The following NADK2 variants were observed in gnomAD, a reference collection of about 807,000 sequenced individuals.
NADK2 encodes the protein NAD kinase domain-containing protein 1, mitochondrial.
Under a neutral mutation model 62.1 loss-of-function variants are expected in NADK2, and 35 were observed. The ratio of observed to expected loss-of-function variants is 0.56; its 90% CI spans 0.43 to 0.75. The LOEUF (loss-of-function observed/expected upper bound fraction) is 0.75. Ranked by LOEUF, NADK2 falls within the 30% of genes least tolerant of loss-of-function variation. NADK2 has a pLI of 0.00. For missense variants in NADK2, 439 were observed against 561.3 expected (o/e 0.78, Z 2.20); for synonymous variants, 205 against 207.9 (o/e 0.99, Z 0.12).
chr5:36,196,002 A>G (rs1471010161), intron 11 of NADK2, among the ~76,000 whole-genome samples: 1 of 152,196 alleles, frequency 6.6e-6, no homozygotes, highest in Non-Finnish European at 1.5e-5. Context: ...TTAATGCTGT[A>G]TGAAATCACT....
At chr5:36,208,692 T>A in intron 7 of NADK2, 1 of 1,528,850 alleles carries the variant, frequency 6.5e-7, no homozygotes, top group Non-Finnish European at 8.8e-7. Context: ...TAAGACATTC[T>A]AGGTTAGAAC....
chr5:36,234,452 G>A (rs183639006), intron 1 of NADK2, among the ~76,000 whole-genome samples: 238 of 149,626 alleles, frequency 1.6e-3, no homozygotes, highest in Non-Finnish European at 2.6e-3. Flanking sequence ...AATAAGAGAA[G>A]CAAATTTCTA....
intron 6 of NADK2, chr5:36,212,999 TTC>T (rs1020656257): frequency 5.9e-5 from 9 of 152,356 alleles, no homozygotes; most frequent in African/African-American, 1.9e-4. Flanking sequence ...GCCACTCTCT[TTC>T]TCTCAGATCA....
rs539381771 is a variant in NADK2 at position 36,241,368 on chromosome 5, G to T, written c.300+131C>A. 32 of 1,337,350 alleles carry T rather than the reference G, an allele frequency of 2.4e-5. 1 individual carries two copies. Among genetic ancestry groups the T allele is most frequent in the Admixed American group, 3.8e-5 (1 of 26,606 alleles). The allele number at this position is 1,337,350 out of a possible 1,614,324, so 82.8% of individuals were successfully genotyped here. Reference sequence around the variant, plus strand: ...GGAGAAGCCAGAGGACCTGGGGGCCGCGAGAGAGGCAGGACCGGCATCTGC... The same window carrying T: ...GGAGAAGCCAGAGGACCTGGGGGCCTCGAGAGAGGCAGGACCGGCATCTGC... On this transcript the variant is annotated intron_variant, in intron 1 of 11. Coordinates refer to ENST00000381937, the MANE Select transcript of NADK2 (RefSeq NM_001085411.3). The surrounding 1 kb of genome is among the most constrained non-coding windows in gnomAD (Gnocchi z 4.9).
chr5:36,221,544 G>A (rs184670040), intron 4 of NADK2: 1 of 152,248 alleles, frequency 6.6e-6, no homozygotes, highest in Non-Finnish European at 1.5e-5. Flanking sequence ...TAAGGACTGA[G>A]ACACCACTAT....
chr5:36,228,225 C>T (rs1280626199), intron 1 of NADK2, among the ~76,000 whole-genome samples: 1 of 151,930 alleles, frequency 6.6e-6, no homozygotes, highest in African/African-American at 2.4e-5. Flanking sequence ...ACTATCTTAC[C>T]ATTAAAATTT....
Position 36,194,457 on chromosome 5 carries a change from T to C in NADK2, c.*687A>G, listed in dbSNP as rs11948897. Reference sequence around the variant, plus strand: ...AACACTTATTGGATAACTAATACATTTGTAACAGCATCATGATTTGTTTTG... The same window carrying C: ...AACACTTATTGGATAACTAATACATCTGTAACAGCATCATGATTTGTTTTG... On this transcript the variant is annotated 3_prime_UTR_variant, in exon 12 of 12. Coordinates refer to ENST00000381937, the MANE Select transcript of NADK2 (RefSeq NM_001085411.3). 1.3e-5 allele frequency: 2 copies of C among 152,202 alleles called. No homozygotes were observed. Among genetic ancestry groups the C allele is most frequent in the African/African-American group, 2.4e-5 (1 of 41,460 alleles). 9.4% of individuals were successfully genotyped at this position (152,202 alleles called of 1,614,324 possible).
intron 10 of NADK2, among the ~76,000 whole-genome samples, 171 bp downstream of exon 10, chr5:36,200,056 A>C (rs1746377390): frequency 6.6e-6 from 1 of 152,058 alleles, no homozygotes; most frequent in African/African-American, 2.4e-5. Flanking sequence ...AAATCACAAC[A>C]AAAGTCCAAC....
intron 8 of NADK2, among the ~76,000 whole-genome samples, chr5:36,201,532 A>T (rs1203617881): frequency 6.6e-6 from 1 of 152,046 alleles, no homozygotes; most frequent in Admixed American, 6.6e-5. Context: ...TACCCATAGA[A>T]AGCTGACTGA....
chr5:36,232,415 T>C (rs1331503034), intron 1 of NADK2, among the ~76,000 whole-genome samples: 1 of 152,174 alleles, frequency 6.6e-6, no homozygotes, highest in Non-Finnish European at 1.5e-5. Flanking sequence ...CAGTTCAGTA[T>C]GTCAATCCAC....
In NADK2 at chr5:36,201,548, T is replaced by C. The variant is rs1025407813; in HGVS notation, c.957-387A>G. Among the ~76,000 whole-genome samples the C allele has an allele frequency of 3.9e-5, 6 of 151,986 alleles. No homozygotes were observed. In the South Asian group the frequency reaches 8.3e-4, roughly 21 times the overall value. ...ACCCATAGAAAGCTGACTGAATAAA[T>C]TATAGCTACTCATTGATATTAAAAA... On this transcript the variant is annotated intron_variant, in intron 8 of 11. Transcript: ENST00000381937.
chr5:36,235,256 T>C (rs1031850062), intron 1 of NADK2, among the ~76,000 whole-genome samples: 6 of 152,212 alleles, frequency 3.9e-5, no homozygotes, highest in African/African-American at 9.6e-5. Context: ...ATATTTTTAG[T>C]TCACTTAAGT....
chr5:36,238,113 A>AT (rs1747975196), intron 1 of NADK2, among the ~76,000 whole-genome samples: 1 of 152,212 alleles, frequency 6.6e-6, no homozygotes, highest in Admixed American at 6.5e-5. Context: ...TTGATTAACA[A>AT]TCATATTGTA....
intron 1 of NADK2, among the ~76,000 whole-genome samples, chr5:36,235,244 A>G (rs1215216048): frequency 2.0e-5 from 3 of 152,188 alleles, no homozygotes; most frequent in African/African-American, 7.2e-5. Flanking sequence ...TTAAAAATCA[A>G]CATATTTTTA....
chr5:36,198,121 T>C lies in NADK2; in HGVS notation c.1067-457A>G, dbSNP rs369691221. Reference sequence around the variant, plus strand: ...CAGTCTCAAACAATGACAGGCAATATCCTTTCTCCAATACACCCCCATTAC... The same window carrying C: ...CAGTCTCAAACAATGACAGGCAATACCCTTTCTCCAATACACCCCCATTAC... On this transcript the variant is annotated intron_variant, in intron 10 of 11. Coordinates refer to ENST00000381937, the MANE Select transcript of NADK2 (RefSeq NM_001085411.3). Among the ~76,000 whole-genome samples, 13 of 152,026 alleles carry C rather than the reference T, an allele frequency of 8.6e-5. No individual in the cohort carries two copies. In the South Asian group the frequency reaches 2.7e-3, roughly 32 times the overall value.
At chr5:36,198,975 C>G (rs111644493) in intron 10 of NADK2, among the ~76,000 whole-genome samples, 3 of 151,520 alleles carry the variant, frequency 2.0e-5, no homozygotes, top group African/African-American at 7.3e-5. Context: ...AGGTTATGTT[C>G]TCACTCATAG....
intron 7 of NADK2, among the ~76,000 whole-genome samples, chr5:36,208,869 C>T (rs527715553): frequency 5.3e-5 from 8 of 152,080 alleles, no homozygotes; most frequent in African/African-American, 1.9e-4. Context: ...TCAGAAACAC[C>T]GGGTTTATGT....
At position 36,195,053 on chromosome 5, in the gene NADK2, A is replaced by G. The variant is rs956965622; in HGVS notation, c.*91T>C. On this transcript the variant is annotated 3_prime_UTR_variant, in exon 12 of 12. Coordinates refer to ENST00000381937, the MANE Select transcript of NADK2 (RefSeq NM_001085411.3). ...AGCCCACGGGCAAGCAGTCTCAACA[A>G]TAACCAAAAAATGTCACTTTACGAC... The G allele has an allele frequency of 1.4e-6, 2 of 1,437,796 alleles. No homozygotes were observed. The highest frequency in any genetic ancestry group is 2.3e-5 in the Admixed American group (1 of 42,782). The allele number at this position is 1,437,796 out of a possible 1,614,324, so 89.1% of individuals were successfully genotyped here.
chr5:36,233,214 T>C (rs528013414), intron 1 of NADK2, among the ~76,000 whole-genome samples: 13 of 152,328 alleles, frequency 8.5e-5, no homozygotes, highest in African/African-American at 3.1e-4. Flanking sequence ...CCAGATTTTC[T>C]AAACTAGTTC....
Sources: gnomAD v4.1 joint callset for allele counts (sites outside exome capture counted in the v4.1 genomes callset) on GRCh38, gnomAD v4.1.1 for gene constraint, Gnocchi (gnomAD v3.1) non-coding constraint, MANE v1.5 for transcripts, NCBI Gene and HGNC (gene_info 2026-07-23, HGNC 2026-07-21) for gene names.